Variants in DCAF13 observed in about 807,000 individuals in gnomAD.
DCAF13 encodes the protein DDB1 and CUL4 associated factor 13, also known as DDB1- and CUL4-associated factor 13.
DCAF13 carries 38 observed loss-of-function variants against 59.0 expected under a neutral mutation model. That is an observed-to-expected ratio of 0.64 (90% CI 0.50 to 0.84). The LOEUF (loss-of-function observed/expected upper bound fraction) is 0.84, where lower values mean the gene tolerates loss of function less well. Among genes scored for constraint, DCAF13 ranks in the 40% least tolerant of loss-of-function variants. The probability of loss-of-function intolerance (pLI) is 0.00; values close to 1 mark genes in which losing one functional copy is unlikely to be tolerated. For missense variants in DCAF13, 469 were observed against 558.4 expected, an observed-to-expected ratio of 0.84 and a Z score of 1.61; for synonymous variants, 173 against 175.0, an observed-to-expected ratio of 0.99 and a Z score of 0.09.
At chr8:103,422,425 G>A (rs1816734107) in intron 3 of DCAF13, among the ~76,000 whole-genome samples, 1 of 152,136 alleles carries the variant, frequency 6.6e-6, no homozygotes, top group Non-Finnish European at 1.5e-5. Context: ...AGATGTCAAG[G>A]AAGTAGCCTT....
chr8:103,442,591 C>A, intron 10 of DCAF13: 1 of 378,568 alleles, frequency 2.6e-6, no homozygotes, highest in Non-Finnish European at 4.7e-6. Flanking sequence ...AGTAAAGGAC[C>A]CTATTAGGTA....
At chr8:103,417,641 CAAA>C (rs34702662) in intron 1 of DCAF13, among the ~76,000 whole-genome samples, 22 of 75,946 alleles carry the variant, frequency 2.9e-4, no homozygotes, top group Admixed American at 9.9e-4. Flanking sequence ...GACTCCGTCT[CAAA>C]AAAAAAAAAA....
At chr8:103,421,181 C>A in intron 3 of DCAF13, 99 bp downstream of exon 3, 1 of 856,444 alleles carries the variant, frequency 1.2e-6, no homozygotes, top group Non-Finnish European at 1.9e-6. Context: ...TGTTCCTAGG[C>A]CCTTTTGGAG....
chr8:103,416,109 G>T (rs930974595), intron 1 of DCAF13, among the ~76,000 whole-genome samples: 1 of 152,200 alleles, frequency 6.6e-6, no homozygotes, highest in Non-Finnish European at 1.5e-5. Context: ...CCAACCATGC[G>T]TAAGCAGATT....
At chr8:103,420,902 T>A (rs967407867) in intron 2 of DCAF13, 73 bp from the exon 3 acceptor site, 2 of 1,082,778 alleles carry the variant, frequency 1.8e-6, no homozygotes, top group African/African-American at 3.1e-5. Flanking sequence ...TTCGTAGCCT[T>A]GTCAGTGTTG....
At chr8:103,430,538 C>A in intron 5 of DCAF13, 74 bp from the exon 6 acceptor site, 1 of 955,792 alleles carries the variant, frequency 1.0e-6, no homozygotes, top group South Asian at 1.5e-5. Flanking sequence ...GCAATTAAAT[C>A]ATTTGTTTAC....
chr8:103,440,214 A>G lies in DCAF13; in HGVS notation c.1029A>G (p.Gly343=). 6.2e-7 allele frequency: 1 copy of G among 1,604,050 alleles called. No individual in the cohort carries two copies. Among genetic ancestry groups the G allele is most frequent in the Non-Finnish European group, 8.5e-7 (1 of 1,175,978 alleles). The change falls in exon 9 of 11, where the codon GGA becomes GGG. Residue 343 remains glycine (G), a synonymous_variant. Transcript: ENST00000612750. ...WTSDSKYIMC[G]SDEMNIRLWK... ...CTGACAGCAAGTATATTATGTGTGG[A>G]TCTGATGAAATGAACATTCGCCTGT...
intron 8 of DCAF13, among the ~76,000 whole-genome samples, chr8:103,436,855 T>G (rs542778047): frequency 6.6e-6 from 1 of 152,324 alleles, no homozygotes; most frequent in South Asian, 2.1e-4. Context: ...CAAAAAATTA[T>G]GATAATTGGA....
In DCAF13 at chr8:103,425,669, A is replaced by G. The variant is rs532299262; in HGVS notation, c.379-387A>G. Among the ~76,000 whole-genome samples the G allele has an allele frequency of 2.4e-4, 37 of 152,266 alleles. No individual in the cohort carries two copies. The South Asian group carries it at 5.8e-3, about 24-fold the overall frequency. ...TTTCATTTTATTTTTTACATTTAAAATTACCTGGAATTTTATTTTCACATA... is the reference window on the plus strand; with the variant it reads ...TTTCATTTTATTTTTTACATTTAAAGTTACCTGGAATTTTATTTTCACATA... On this transcript the variant is annotated intron_variant, in intron 3 of 10. Transcript: ENST00000612750.
At chr8:103,441,760 A>G (rs1356537874) in intron 10 of DCAF13, 142 bp downstream of exon 10, 5 of 786,734 alleles carry the variant, frequency 6.4e-6, no homozygotes, top group African/African-American at 1.9e-5. Context: ...GAAGACTTCT[A>G]CAGAAGGCCT....
Position 103,420,971 on chromosome 8 carries a change from A to G in DCAF13, c.271-4A>G, listed in dbSNP as rs146305428. The G allele has an allele frequency of 2.8e-3, 4,441 of 1,582,760 alleles. 13 individuals carry two copies. Among genetic ancestry groups the G allele is most frequent in the Admixed American group, 3.5e-3 (212 of 59,948 alleles). Reference sequence around the variant, plus strand: ...CTGAAATTTCCTGGTATGCCTTATCATAGGTTAGAATTTGGAATCTAACTC... The same window carrying G: ...CTGAAATTTCCTGGTATGCCTTATCGTAGGTTAGAATTTGGAATCTAACTC... On this transcript the variant is annotated splice_polypyrimidine_tract_variant and splice_region_variant and intron_variant, in intron 2 of 10. Transcript: ENST00000612750.
rs942036292 is a variant in DCAF13 at position 103,430,610 on chromosome 8, A to G, written c.625-2A>G. ...ACTGGTGATTGTTATACTTGTTTTT[A>G]GACATTTCTCTTGGGAAGTTGTGCA... On this transcript the variant is annotated splice_acceptor_variant, in intron 5 of 10. Coordinates refer to ENST00000612750, the MANE Select transcript of DCAF13 (RefSeq NM_015420.7). LOFTEE classifies it high-confidence loss of function. 2 of 1,609,644 alleles carry G rather than the reference A, an allele frequency of 1.2e-6. No homozygotes were observed. Among genetic ancestry groups the G allele is most frequent in the African/African-American group, 1.3e-5 (1 of 74,714 alleles).
intron 8 of DCAF13, 65 bp downstream of exon 8, chr8:103,435,855 A>C (rs1410755121): frequency 6.6e-7 from 1 of 1,525,816 alleles, no homozygotes; most frequent in East Asian, 2.3e-5. Context: ...GCATTCTGAG[A>C]AATGAGTCAT....
intron 5 of DCAF13, 91 bp downstream of exon 5, chr8:103,427,343 T>C: frequency 8.9e-7 from 1 of 1,123,912 alleles, no homozygotes; most frequent in Non-Finnish European, 1.3e-6. Context: ...TAGAAACTTC[T>C]GAATTTTAAT....
At chr8:103,441,844 C>T in intron 10 of DCAF13, 1 of 432,634 alleles carries the variant, frequency 2.3e-6, no homozygotes, top group South Asian at 3.0e-5. Context: ...TGGTTCACTG[C>T]AAGCTCCGCC....
At chr8:103,419,807 G>A (rs1003538712) in intron 1 of DCAF13, among the ~76,000 whole-genome samples, 4 of 151,730 alleles carry the variant, frequency 2.6e-5, no homozygotes, top group African/African-American at 7.3e-5. Context: ...TCACGAGATC[G>A]AGACCAGCCT....
chr8:103,422,724 C>G (rs1040228135), intron 3 of DCAF13, among the ~76,000 whole-genome samples: 1 of 152,170 alleles, frequency 6.6e-6, no homozygotes, highest in African/African-American at 2.4e-5. Context: ...TATACACATG[C>G]GCTAATCAGT....
intron 6 of DCAF13, 40 bp from the exon 7 acceptor site, chr8:103,432,619 G>T: frequency 7.7e-7 from 1 of 1,300,070 alleles, no homozygotes; most frequent in South Asian, 1.2e-5. Context: ...GAAAAGAAAA[G>T]GAAAGGAAGT....
chr8:103,434,704 G>T (rs984195028), intron 7 of DCAF13, among the ~76,000 whole-genome samples: 8 of 151,888 alleles, frequency 5.3e-5, no homozygotes, highest in Non-Finnish European at 1.2e-4. Flanking sequence ...TTAGGAACTT[G>T]GTCACAATAT....
Sources: gnomAD v4.1 joint callset for allele counts (sites outside exome capture counted in the v4.1 genomes callset) on GRCh38, gnomAD v4.1.1 for gene constraint, MANE v1.5 for transcripts, NCBI Gene and HGNC (gene_info 2026-07-23, HGNC 2026-07-21) for gene names.